The following DOK7 variants were observed in gnomAD, a reference collection of about 807,000 sequenced individuals.
DOK7 encodes docking protein 7.
In DOK7, 32 loss-of-function variants were observed where a neutral mutation model predicts 30.7. The observed-to-expected ratio is 1.04, with a 90% confidence interval of 0.79 to 1.40. DOK7 has a LOEUF of 1.40. Among genes scored for constraint, DOK7 ranks in the 40% most tolerant of loss-of-function variants. DOK7 has a pLI of 0.00. For missense variants in DOK7, 1,007 were observed against 699.2 expected, an observed-to-expected ratio of 1.44 and a Z score of -4.97; for synonymous variants, 447 against 324.1, an observed-to-expected ratio of 1.38 and a Z score of -4.07.
chr4:3,491,344 C>CT (rs1728416345), intron 6 of DOK7, among the ~76,000 whole-genome samples: 5 of 49,822 alleles, frequency 1.0e-4, no homozygotes, highest in African/African-American at 3.0e-4. Context: ...CTTCCTTCTT[C>CT]GCCTGCTTGT....
chr4:3,485,281 A>G, intron 4 of DOK7: 1 of 417,218 alleles, frequency 2.4e-6, no homozygotes, highest in Non-Finnish European at 4.1e-6. Context: ...CCAAGTTTGA[A>G]GGGTGCGGCG....
At chr4:3,467,741 G>A (rs898074314) in intron 2 of DOK7, among the ~76,000 whole-genome samples, 3 of 152,172 alleles carry the variant, frequency 2.0e-5, no homozygotes, top group Non-Finnish European at 4.4e-5. Context: ...CGGCTCAGAC[G>A]ACAGCCAGTC....
chr4:3,468,990 G>A (rs1308564402), intron 2 of DOK7, among the ~76,000 whole-genome samples: 1 of 149,472 alleles, frequency 6.7e-6, no homozygotes, highest in Admixed American at 6.6e-5. Flanking sequence ...GCCTGTGTAT[G>A]CATGTGTGAG....
downstream of DOK7, among the ~76,000 whole-genome samples, chr4:3,498,479 A>G (rs1278672406): frequency 6.6e-6 from 1 of 152,208 alleles, no homozygotes; most frequent in African/African-American, 2.4e-5. Flanking sequence ...ATGCAATCCT[A>G]AAACGAGGTA....
intron 3 of DOK7, 112 bp from the exon 4 acceptor site, chr4:3,476,230 G>GATGCCCTCTCACCTCA (rs1727063074): frequency 1.9e-6 from 1 of 535,890 alleles, no homozygotes; most frequent in Non-Finnish European, 2.5e-6. Flanking sequence ...CGCCCCGCCT[G>GATGCCCTCTCACCTCA]CCCGTGATGC....
chr4:3,496,895 G>A (rs1358914293), downstream of DOK7: 43 of 1,533,052 alleles, frequency 2.8e-5, no homozygotes, highest in Non-Finnish European at 3.8e-5. Flanking sequence ...CCAGAGCTCG[G>A]GGACAGGAAG....
chr4:3,492,625 C>T, intron 6 of DOK7, 134 bp from the exon 7 acceptor site: 1 of 1,260,820 alleles, frequency 7.9e-7, no homozygotes, highest in South Asian at 1.3e-5. Context: ...TGCTGTAGGC[C>T]CCGGGGCTTG....
chr4:3,496,917 G>A (rs1728941760), downstream of DOK7: 4 of 1,494,836 alleles, frequency 2.7e-6, no homozygotes, highest in Admixed American at 2.1e-5. Flanking sequence ...CGGGAGTCTG[G>A]GTGGGCGCAG....
At chr4:3,486,235 A>G (rs1316475744) in intron 5 of DOK7, among the ~76,000 whole-genome samples, 2 of 152,200 alleles carry the variant, frequency 1.3e-5, no homozygotes, top group Admixed American at 6.5e-5. Flanking sequence ...GTCCTTGGCC[A>G]GGGATGTTGC....
In DOK7 at chr4:3,477,625, A is replaced by G. The variant is rs75652841; in HGVS notation, c.532+1083A>G. Among the ~76,000 whole-genome samples the G allele has an allele frequency of 2.7e-3, 416 of 152,316 alleles. 1 individual carries two copies. Among genetic ancestry groups the G allele is most frequent in the African/African-American group, 9.6e-3 (400 of 41,588 alleles). ...ACGACATCTGACCCTTGAAAGGGGAACAGGGCAGTGAGGCTCAGGCTCCAC... is the reference window on the plus strand; with the variant it reads ...ACGACATCTGACCCTTGAAAGGGGAGCAGGGCAGTGAGGCTCAGGCTCCAC... On this transcript the variant is annotated intron_variant, in intron 4 of 6. Coordinates refer to ENST00000340083, the MANE Select transcript of DOK7 (RefSeq NM_173660.5).
chr4:3,476,225 CGCCTGCCCGT>C, intron 3 of DOK7, 107 bp from the exon 4 acceptor site: 2 of 933,410 alleles, frequency 2.1e-6, no homozygotes, highest in Admixed American at 5.7e-5. Flanking sequence ...CCTCTCGCCC[CGCCTGCCCGT>C]GATGCCCTCT....
At chr4:3,468,199 CAA>C (rs1262685062) in intron 2 of DOK7, among the ~76,000 whole-genome samples, 5 of 137,410 alleles carry the variant, frequency 3.6e-5, no homozygotes, top group African/African-American at 8.9e-5. Context: ...TGTGTGTGCA[CAA>C]GTGTGTGTGT....
intron 6 of DOK7, 138 bp downstream of exon 6, chr4:3,489,934 A>G (rs1011796660): frequency 7.3e-7 from 1 of 1,362,196 alleles, no homozygotes; most frequent in East Asian, 2.5e-5. Context: ...CTGCTCATTC[A>G]TTCTTCCCCC....
chr4:3,483,997 C>T (rs1320499717), intron 4 of DOK7, among the ~76,000 whole-genome samples: 1 of 152,212 alleles, frequency 6.6e-6, no homozygotes, highest in Admixed American at 6.5e-5. Flanking sequence ...TCCATGCCCA[C>T]CTCCAATTCT....
At chr4:3,499,970 G>A (rs1001049538) in intron 6 of DOK7, among the ~76,000 whole-genome samples, 2 of 151,834 alleles carry the variant, frequency 1.3e-5, no homozygotes, top group Admixed American at 6.6e-5. Context: ...TGGGGGGGTC[G>A]GCAATTCCTG....
chr4:3,470,949 A>G (rs1247688051), intron 2 of DOK7, among the ~76,000 whole-genome samples: 2 of 152,160 alleles, frequency 1.3e-5, no homozygotes, highest in Non-Finnish European at 2.9e-5. Flanking sequence ...CCAAGGTGCC[A>G]CCACCACAGA....
intron 5 of DOK7, among the ~76,000 whole-genome samples, chr4:3,486,237 G>A (rs370716412): frequency 6.6e-5 from 10 of 152,350 alleles, no homozygotes; most frequent in African/African-American, 2.4e-4. Flanking sequence ...CCTTGGCCAG[G>A]GATGTTGCTG....
chr4:3,478,475 C>G (rs1727241854), intron 4 of DOK7, among the ~76,000 whole-genome samples: 1 of 148,624 alleles, frequency 6.7e-6, no homozygotes, highest in Non-Finnish European at 1.5e-5. Flanking sequence ...TAGAGCAGCC[C>G]CACCCGCAAA....
At chr4:3,472,724 G>A (rs1021897061) in intron 2 of DOK7, among the ~76,000 whole-genome samples, 2 of 152,240 alleles carry the variant, frequency 1.3e-5, no homozygotes, top group Admixed American at 1.3e-4. Flanking sequence ...GGAAGGTGGG[G>A]GTGGAGACGG....
Sources: gnomAD v4.1 joint callset for allele counts (sites outside exome capture counted in the v4.1 genomes callset) on GRCh38, gnomAD v4.1.1 for gene constraint, MANE v1.5 for transcripts, NCBI Gene and HGNC (gene_info 2026-07-23, HGNC 2026-07-21) for gene names.